CHAF1A: variants seen among roughly 807,000 people sequenced by gnomAD.
CHAF1A encodes the protein CAF-1 subunit A.
In CHAF1A, 5 loss-of-function variants were observed where a neutral mutation model predicts 93.2. The observed-to-expected ratio is 0.05, with a 90% CI of 0.03 to 0.11. CHAF1A has a LOEUF of 0.11. Among genes scored for constraint, CHAF1A ranks in the 10% least tolerant of loss-of-function variants. The pLI is 1.00. For missense variants in CHAF1A, 1,102 were observed against 1,259.9 expected (o/e 0.87, Z 1.90); for synonymous variants, 504 against 510.3 (o/e 0.99, Z 0.17).
chr19:4,432,186 C>G lies in CHAF1A; in HGVS notation c.2182C>G (p.Arg728Gly). The stretch of plus-strand genomic sequence containing the variant: ...GGAGCAGACGCCCAAGGCCTCCAAG[C>G]GGGAGAGGAGAGACGAGCAGAGTGA... ...QEEQTPKASK[R>G]ERRDEQILAQ... is the part of the protein sequence containing the mutation. Residue 728 changes from arginine to glycine, a missense_variant, in exon 12 of 15, where the codon CGG (arginine) becomes GGG (glycine). This residue lies in a region of CHAF1A where 335 missense variants were observed against 361.9 expected (regional missense o/e 0.93). Transcript: ENST00000301280. 6.2e-7 allele frequency: 1 copy of G among 1,609,710 alleles called. No homozygotes were observed. Among genetic ancestry groups the G allele is most frequent in the Non-Finnish European group, 8.5e-7 (1 of 1,178,568 alleles).
intron 13 of CHAF1A, among the ~76,000 whole-genome samples, chr19:4,434,703 A>G (rs1288149138): frequency 6.6e-6 from 1 of 151,182 alleles, no homozygotes; most frequent in Non-Finnish European, 1.5e-5. Context: ...ATGTGGTAGC[A>G]TTTTTATTTT....
intron 1 of CHAF1A, among the ~76,000 whole-genome samples, chr19:4,403,724 G>A (rs1056825305): frequency 2.0e-5 from 3 of 152,244 alleles, no homozygotes; most frequent in Non-Finnish European, 2.9e-5. Flanking sequence ...TCCCCTATGG[G>A]GCAGATTCCG....
chr19:4,432,012 G>A lies in CHAF1A; in HGVS notation c.2008G>A (p.Glu670Lys). 2 of 1,614,144 alleles carry A rather than the reference G, an allele frequency of 1.2e-6. No individual in the cohort carries two copies. Among genetic ancestry groups the A allele is most frequent in the East Asian group, 2.2e-5 (1 of 44,872 alleles). Residue 670 changes from glutamate to lysine, a missense_variant, in exon 12 of 15, where the codon GAG becomes AAG. By Grantham distance (56) the Glu-to-Lys change is moderately conservative. Around this residue, in one of 6 missense-constraint regions of CHAF1A, gnomAD observed 335 missense variants for 361.9 expected, o/e 0.93. Transcript: ENST00000301280. ...GAAACTGAAGGCCAAGGAGTGGGACGAGTTCCTGGCTAAGGGGAAGCGCTT... is the reference window on the plus strand; with the variant it reads ...GAAACTGAAGGCCAAGGAGTGGGACAAGTTCCTGGCTAAGGGGAAGCGCTT... ...RQKLKAKEWD[E>K]FLAKGKRFRV... is the part of the protein sequence containing the mutation.
downstream of CHAF1A, chr19:4,447,233 C>G (rs192780984): frequency 1.7e-6 from 1 of 572,128 alleles, no homozygotes; most frequent in East Asian, 2.9e-5. Flanking sequence ...CCCTTTCCCC[C>G]AGAAGAACCA....
intron 1 of CHAF1A, among the ~76,000 whole-genome samples, chr19:4,404,520 CTTT>C (rs1973645347): frequency 6.6e-6 from 1 of 152,100 alleles, no homozygotes; most frequent in African/African-American, 2.4e-5. Flanking sequence ...ATGATACTGT[CTTT>C]ATTTCTTTGA....
At chr19:4,439,007 G>A (rs991077123) in intron 13 of CHAF1A, among the ~76,000 whole-genome samples, 1 of 151,756 alleles carries the variant, frequency 6.6e-6, no homozygotes, top group African/African-American at 2.4e-5. Context: ...ATGGCTGGGT[G>A]CAGTGGCTCA....
chr19:4,413,537 G>C (rs887452347), intron 3 of CHAF1A, among the ~76,000 whole-genome samples: 10 of 152,162 alleles, frequency 6.6e-5, no homozygotes, highest in Non-Finnish European at 7.4e-5. Context: ...AGATTGTTTC[G>C]CACTGCCGTG....
At chr19:4,443,789 C>T (rs1042688127), downstream of CHAF1A, among the ~76,000 whole-genome samples, 18 of 152,160 alleles carry the variant, frequency 1.2e-4, no homozygotes, top group Non-Finnish European at 2.1e-4. Context: ...CCTCCCCGCC[C>T]CAGGTTGAGT....
chr19:4,438,761 C>T (rs571613047), intron 13 of CHAF1A, among the ~76,000 whole-genome samples: 1 of 151,764 alleles, frequency 6.6e-6, no homozygotes, highest in African/African-American at 2.4e-5. Flanking sequence ...AGGTGGGTGG[C>T]TCACAAGGTC....
chr19:4,448,305 GCCACACGCTCACTTGGCAATGGTGT>G (rs779457601), downstream of CHAF1A: 2 of 1,594,612 alleles, frequency 1.3e-6, no homozygotes, highest in Non-Finnish European at 1.7e-6. Context: ...GGGCAAAGGG[GCCACACGCTCACTTGGCAATGGTGT>G]CCACACCCAG....
intron 5 of CHAF1A, 47 bp from the exon 6 acceptor site, chr19:4,423,288 A>G (rs1356095839): frequency 6.2e-7 from 1 of 1,613,308 alleles, no homozygotes; most frequent in Admixed American, 1.7e-5. Context: ...GGTCCCTTCC[A>G]GAGCCAAAGC....
Position 4,409,492 on chromosome 19 carries a change from C to G in CHAF1A, c.693C>G (p.Ile231Met), listed in dbSNP as rs1475432762. 6.2e-7 allele frequency: 1 copy of G among 1,614,068 alleles called. No homozygotes were observed. The highest frequency in any genetic ancestry group is 8.5e-7 in the Non-Finnish European group (1 of 1,179,994). ...EQDSWSEAGG[I>M]LFKGKVPMVV... is the part of the protein sequence containing the mutation. Reference sequence around the variant, plus strand: ...ACAGTTGGAGTGAAGCTGGGGGCATCCTGTTCAAAGGGAAGGTGCCTATGG... The same window carrying G: ...ACAGTTGGAGTGAAGCTGGGGGCATGCTGTTCAAAGGGAAGGTGCCTATGG... Residue 231 changes from isoleucine to methionine, a missense_variant, in exon 3 of 15, where the codon ATC becomes ATG. Physicochemically the swap from Ile to Met is conservative, Grantham distance 10 (BLOSUM62 1). This residue lies in a region of CHAF1A where 379 missense variants were observed against 365.7 expected (regional missense o/e 1.04). Transcript: ENST00000301280.
chr19:4,409,886 C>T (rs1973761399), intron 3 of CHAF1A, 127 bp downstream of exon 3: 49 of 1,049,766 alleles, frequency 4.7e-5, no homozygotes, highest in Non-Finnish European at 6.5e-5. Context: ...TCCTGGGACT[C>T]GACGTGGAGT....
intron 3 of CHAF1A, among the ~76,000 whole-genome samples, chr19:4,413,983 T>G (rs1973854274): frequency 1.3e-5 from 2 of 152,258 alleles, no homozygotes; most frequent in Admixed American, 1.3e-4. Context: ...GAGATGATTA[T>G]TTGACAAATG....
At chr19:4,426,115 A>G (rs59923524) in intron 7 of CHAF1A, among the ~76,000 whole-genome samples, 52,520 of 140,294 alleles carry the variant, frequency 0.37, 9,761 homozygotes, top group Non-Finnish European at 0.44. Context: ...ATAGTCTAGT[A>G]TTTCATTCTC....
intron 13 of CHAF1A, among the ~76,000 whole-genome samples, chr19:4,438,749 C>T (rs551869171): frequency 2.0e-5 from 3 of 151,958 alleles, no homozygotes; most frequent in Middle Eastern, 3.2e-3. Context: ...TTTGGGAGGC[C>T]GAGGTGGGTG....
chr19:4,442,716 G>T (rs1412226585), intron 14 of CHAF1A, among the ~76,000 whole-genome samples: 1 of 152,208 alleles, frequency 6.6e-6, no homozygotes, highest in Admixed American at 6.5e-5. Flanking sequence ...TGCCCGGGTG[G>T]TGGGGGGCAG....
At chr19:4,406,579 C>T (rs577726409) in intron 2 of CHAF1A, among the ~76,000 whole-genome samples, 5 of 152,002 alleles carry the variant, frequency 3.3e-5, no homozygotes, top group South Asian at 2.1e-4. Context: ...GGATTACAGG[C>T]GCGTGCCACC....
chr19:4,435,087 C>CTTTTTTT (rs869255408), intron 13 of CHAF1A, among the ~76,000 whole-genome samples: 31 of 87,962 alleles, frequency 3.5e-4, no homozygotes, highest in South Asian at 4.3e-4. Context: ...CTTTTTTTTC[C>CTTTTTTT]TTTTTTTTTT....
Sources: allele counts gnomAD v4.1 joint callset (sites outside exome capture counted in the v4.1 genomes callset), GRCh38; gene constraint gnomAD v4.1.1; regional missense constraint gnomAD v4.1.1; transcripts MANE v1.5; gene names NCBI Gene and HGNC (gene_info 2026-07-23, HGNC 2026-07-21).